Variants in LPCAT3 observed in about 807,000 individuals in gnomAD.
The protein encoded by LPCAT3 is lysophospholipid acyltransferase 5.
LPCAT3 carries 21 observed loss-of-function variants against 63.4 expected under a neutral mutation model. The observed-to-expected ratio is 0.33, with a 90% confidence interval of 0.23 to 0.48. The LOEUF is 0.48. Ranked by LOEUF, LPCAT3 falls within the 20% of genes least tolerant of loss-of-function variation. The probability of loss-of-function intolerance (pLI) is 0.99; values close to 1 mark genes in which losing one functional copy is unlikely to be tolerated. For synonymous variants in LPCAT3, 242 were observed against 227.5 expected (o/e 1.06, Z -0.58); for missense variants, 451 against 590.6 (o/e 0.76, Z 2.45).
intron 1 of LPCAT3, among the ~76,000 whole-genome samples, chr12:6,988,839 C>T (rs782494878): frequency 6.6e-6 from 1 of 152,126 alleles, no homozygotes; most frequent in Non-Finnish European, 1.5e-5. Context: ...TTTGTAAGAA[C>T]TTGTTGGCCG....
intron 6 of LPCAT3, among the ~76,000 whole-genome samples, chr12:6,980,395 A>G (rs1336677656): frequency 6.6e-6 from 1 of 152,016 alleles, no homozygotes; most frequent in Non-Finnish European, 1.5e-5. Flanking sequence ...TGTTGCCCAG[A>G]ATGGAGTGCA....
At chr12:6,994,108 A>G (rs1259628392) in intron 1 of LPCAT3, among the ~76,000 whole-genome samples, 1 of 152,226 alleles carries the variant, frequency 6.6e-6, no homozygotes. Context: ...GAGTGCTGCA[A>G]TTACAGGTAT....
intron 1 of LPCAT3, chr12:7,001,596 G>T (rs770045126): frequency 6.8e-6 from 3 of 441,648 alleles, no homozygotes; most frequent in Non-Finnish European, 1.4e-5. Flanking sequence ...AGGCAGGCCT[G>T]AGGAGGGCTG....
chr12:6,979,706 C>T, intron 6 of LPCAT3, 127 bp from the exon 7 acceptor site: 1 of 665,028 alleles, frequency 1.5e-6, no homozygotes, highest in South Asian at 1.8e-5. Flanking sequence ...ATGAGAAGCT[C>T]TGCTGCCCAA....
At chr12:7,016,603 G>A (rs964071650) in intron 1 of LPCAT3, among the ~76,000 whole-genome samples, 1 of 152,088 alleles carries the variant, frequency 6.6e-6, no homozygotes, top group Non-Finnish European at 1.5e-5. Context: ...CAAATAAAAT[G>A]TTGCCCAGGC....
Position 6,981,581 on chromosome 12 carries a change from G to A in LPCAT3, c.498+14C>T, listed in dbSNP as rs17790962. On this transcript the variant is annotated intron_variant, in intron 5 of 12. Transcript: ENST00000261407. ...TTAAGTCTTGAACCTCTCTGCCGAT[G>A]AATGGGTACTTACCTGATCTTTCCC... 8.8e-3 allele frequency: 14,214 copies of A among 1,613,682 alleles called. 919 individuals are homozygous for A. In the East Asian group the frequency reaches 0.14, roughly 16 times the overall value.
chr12:6,978,005 A>C (rs945386928), intron 9 of LPCAT3: 1 of 560,656 alleles, frequency 1.8e-6, no homozygotes, highest in Non-Finnish European at 3.2e-6. Flanking sequence ...TCAGTGGTGA[A>C]CCAGACACTC....
chr12:7,012,071 G>A (rs1555157279), intron 1 of LPCAT3, among the ~76,000 whole-genome samples: 4 of 152,172 alleles, frequency 2.6e-5, no homozygotes, highest in Non-Finnish European at 5.9e-5. Context: ...CTTTAGTGAT[G>A]CTAATTCTGA....
chr12:6,989,313 GTT>G lies in LPCAT3; in HGVS notation c.152-5776_152-5775del, dbSNP rs113013257. On this transcript the variant is annotated intron_variant, in intron 1 of 12. Transcript: ENST00000261407. The stretch of plus-strand genomic sequence containing the variant: ...AATGCTAGGGACATTCAAAATGCGT[GTT>G]TTTTTTTTTTTTTTTTGAGACAGAG... 2.4e-3 allele frequency among the ~76,000 whole-genome samples: 307 copies of G among 126,386 alleles called. No homozygotes were observed. The South Asian group carries it at 0.033, about 14-fold the overall frequency. 82.9% of individuals were successfully genotyped at this position (126,386 alleles called of 152,430 possible). A position where few individuals can be genotyped will look rare whatever the true frequency, so the allele number is the denominator to read the frequency against.
chr12:6,986,567 G>C (rs1319227893), intron 1 of LPCAT3, among the ~76,000 whole-genome samples: 1 of 151,816 alleles, frequency 6.6e-6, no homozygotes, highest in African/African-American at 2.4e-5. Flanking sequence ...GGTGGATCAC[G>C]AGGTCAGGAA....
intron 1 of LPCAT3, among the ~76,000 whole-genome samples, chr12:6,983,992 T>TA (rs1165304430): frequency 6.6e-6 from 1 of 152,112 alleles, no homozygotes; most frequent in African/African-American, 2.4e-5. Flanking sequence ...AAAAACAAGA[T>TA]ACAAAGATTT....
chr12:7,015,667 A>G (rs1555157539), intron 1 of LPCAT3, among the ~76,000 whole-genome samples: 1 of 152,182 alleles, frequency 6.6e-6, no homozygotes, highest in Non-Finnish European at 1.5e-5. Flanking sequence ...AAAATGAGAA[A>G]TACTATGAAT....
At chr12:6,979,776 A>G (rs1946450574) in intron 6 of LPCAT3, 197 bp from the exon 7 acceptor site, 2 of 592,448 alleles carry the variant, frequency 3.4e-6, no homozygotes, top group East Asian at 5.6e-5. Flanking sequence ...GGGACTGCAA[A>G]CCTCTTAAGA....
chr12:6,988,503 AGGG>A (rs1555155060), intron 1 of LPCAT3: 1 of 152,158 alleles, frequency 6.6e-6, no homozygotes, highest in Admixed American at 6.5e-5. Context: ...GTTTTTAGGG[AGGG>A]TGTGACCCTA....
In LPCAT3 at chr12:6,976,425, A is replaced by C. The variant is rs1946401506; in HGVS notation, c.*479T>G. ...AGATGTGAGCCCCTCTGCTCCTCCC[A>C]CAAGAGTTTCCCCTTTGGGCCGGGC... On this transcript the variant is annotated 3_prime_UTR_variant, in exon 13 of 13. Transcript: ENST00000261407. 1 of 153,508 alleles carries C rather than the reference A, an allele frequency of 6.5e-6. No individual in the cohort carries two copies. The highest frequency in any genetic ancestry group is 6.5e-5 in the Admixed American group (1 of 15,386). 9.5% of individuals were successfully genotyped at this position (153,508 alleles called of 1,614,324 possible).
At chr12:7,013,513 A>G (rs73264668) in intron 1 of LPCAT3, among the ~76,000 whole-genome samples, 10,242 of 152,236 alleles carry the variant, frequency 0.067, 440 homozygotes, top group African/African-American at 0.098. Flanking sequence ...AGAATAGTAG[A>G]TGGATCTGAG....
At chr12:7,000,513 G>T (rs1256261170) in intron 1 of LPCAT3, among the ~76,000 whole-genome samples, 1 of 144,730 alleles carries the variant, frequency 6.9e-6, no homozygotes, top group Non-Finnish European at 1.5e-5. Flanking sequence ...GCGTGAACCC[G>T]GGAGGCAGAG....
Position 6,979,577 on chromosome 12 carries a change from A to T in LPCAT3, c.680T>A (p.Ile227Asn). 2.5e-6 allele frequency: 4 copies of T among 1,609,534 alleles called. No individual in the cohort carries two copies. Among genetic ancestry groups the T allele is most frequent in the Non-Finnish European group, 3.4e-6 (4 of 1,175,784 alleles). The change falls in exon 7 of 13, where the codon ATC (isoleucine) becomes AAC (asparagine). Residue 227 changes from isoleucine (I) to asparagine (N), a missense_variant and splice_region_variant. By Grantham distance (149) the Ile-to-Asn change is moderately radical. Transcript: ENST00000261407. ...IDIPGKIPNS[I>N]IPALKRLSLG... is the part of the protein sequence containing the mutation. ...ACTCAGGCGCTTGAGAGCAGGAATGATGCTGGAAAGGAACGAGTGAAGTTC... is the reference window on the plus strand; with the variant it reads ...ACTCAGGCGCTTGAGAGCAGGAATGTTGCTGGAAAGGAACGAGTGAAGTTC...
intron 7 of LPCAT3, chr12:6,979,171 G>A (rs1555153735): frequency 2.4e-6 from 1 of 412,776 alleles, no homozygotes; most frequent in Non-Finnish European, 4.4e-6. Flanking sequence ...TGGAGAATCA[G>A]AAGCTGCTGT....
Sources: allele counts gnomAD v4.1 joint callset (sites outside exome capture counted in the v4.1 genomes callset), GRCh38; gene constraint gnomAD v4.1.1; transcripts MANE v1.5; gene names NCBI Gene and HGNC (gene_info 2026-07-23, HGNC 2026-07-21).